Variants in RIMS1 observed in about 807,000 individuals in gnomAD.
RIMS1 encodes regulating synaptic membrane exocytosis 1, also known as regulating synaptic membrane exocytosis protein 1.
RIMS1 carries 83 observed loss-of-function variants against 214.1 expected under a neutral mutation model. The ratio of observed to expected loss-of-function variants is 0.39; its 90% CI spans 0.32 to 0.47. RIMS1 has a LOEUF of 0.47. Ranked by LOEUF, RIMS1 falls within the 20% of genes least tolerant of loss-of-function variation. RIMS1 has a pLI of 0.99. For missense variants in RIMS1, 2,050 were observed against 2,161.8 expected, an observed-to-expected ratio of 0.95 and a Z score of 1.03; for synonymous variants, 793 against 786.8, an observed-to-expected ratio of 1.01 and a Z score of -0.13.
At chr6:72,074,882 A>G (rs1427181613) in intron 2 of RIMS1, among the ~76,000 whole-genome samples, 1 of 152,164 alleles carries the variant, frequency 6.6e-6, no homozygotes, top group Non-Finnish European at 1.5e-5. Context: ...GTAGACATGA[A>G]GTCTATGGAT....
intron 10 of RIMS1, among the ~76,000 whole-genome samples, chr6:72,245,265 A>G (rs538848205): frequency 6.6e-6 from 1 of 151,868 alleles, no homozygotes; most frequent in Admixed American, 6.6e-5. Context: ...TATATTATAT[A>G]TTCACATATA....
chr6:72,153,126 A>C (rs1232705754), intron 4 of RIMS1, among the ~76,000 whole-genome samples: 1 of 146,790 alleles, frequency 6.8e-6, no homozygotes, highest in African/African-American at 2.5e-5. Flanking sequence ...ATATATGTAT[A>C]TATTCCCTAT....
intron 2 of RIMS1, among the ~76,000 whole-genome samples, chr6:72,090,308 G>A (rs1480656815): frequency 6.6e-6 from 1 of 152,146 alleles, no homozygotes; most frequent in African/African-American, 2.4e-5. Flanking sequence ...TGCCTGGCCT[G>A]ATGGTGGAAC....
chr6:71,909,182 A>G (rs1355826640), intron 1 of RIMS1, among the ~76,000 whole-genome samples: 1 of 152,064 alleles, frequency 6.6e-6, no homozygotes, highest in Non-Finnish European at 1.5e-5. Context: ...TTTTTAGTAG[A>G]GACGGGGTTT....
At chr6:71,978,673 A>T (rs1797749199) in intron 2 of RIMS1, among the ~76,000 whole-genome samples, 1 of 152,018 alleles carries the variant, frequency 6.6e-6, no homozygotes, top group South Asian at 2.1e-4. Flanking sequence ...TCTCTGTACT[A>T]TTTTTAGCCA....
chr6:72,317,136 T>G (rs2095849002), intron 28 of RIMS1: 1 of 379,642 alleles, frequency 2.6e-6, no homozygotes, highest in African/African-American at 2.1e-5. Flanking sequence ...GGCTGCTCTG[T>G]GGCACCAGTC....
intron 11 of RIMS1, among the ~76,000 whole-genome samples, chr6:72,247,461 C>T (rs915528295): frequency 1.4e-5 from 2 of 145,106 alleles, no homozygotes. Flanking sequence ...CTTGAACCTG[C>T]GAGGTGGAGG....
At chr6:72,187,108 A>C (rs887602896) in intron 6 of RIMS1, among the ~76,000 whole-genome samples, 1 of 152,166 alleles carries the variant, frequency 6.6e-6, no homozygotes, top group African/African-American at 2.4e-5. Context: ...CCTGGGCGAT[A>C]GAGCGAGACC....
chr6:71,980,890 A>T (rs892997529), intron 2 of RIMS1, among the ~76,000 whole-genome samples: 1 of 152,096 alleles, frequency 6.6e-6, no homozygotes, highest in African/African-American at 2.4e-5. Flanking sequence ...AGATTTTGGG[A>T]CTGGGAATTA....
intron 4 of RIMS1, among the ~76,000 whole-genome samples, chr6:72,129,786 G>T (rs1476723636): frequency 1.3e-5 from 2 of 151,936 alleles, no homozygotes; most frequent in South Asian, 2.1e-4. Context: ...TGGTAAAATG[G>T]TAACTGCATT....
intron 2 of RIMS1, among the ~76,000 whole-genome samples, chr6:71,992,227 CG>C (rs1562048978): frequency 6.6e-6 from 1 of 152,014 alleles, no homozygotes; most frequent in Non-Finnish European, 1.5e-5. Context: ...CAGTGGTACA[CG>C]GGGAGTTTGG....
At chr6:72,031,926 C>A (rs139857208) in intron 2 of RIMS1, among the ~76,000 whole-genome samples, 130 of 152,208 alleles carry the variant, frequency 8.5e-4, no homozygotes, top group Middle Eastern at 3.4e-3. Flanking sequence ...AATAAGCATA[C>A]ATAAAATAAT....
intron 4 of RIMS1, among the ~76,000 whole-genome samples, chr6:72,139,785 TA>T (rs2153878510): frequency 6.6e-6 from 1 of 152,296 alleles, no homozygotes; most frequent in East Asian, 1.9e-4. Context: ...TTAAGTTATT[TA>T]AAAATCACAG....
At chr6:71,901,056 A>C (rs1773455036) in intron 1 of RIMS1, among the ~76,000 whole-genome samples, 1 of 152,134 alleles carries the variant, frequency 6.6e-6, no homozygotes, top group Non-Finnish European at 1.5e-5. Flanking sequence ...TATTTTGAGG[A>C]GGCTAAGGCA....
At chr6:72,175,456 T>G in intron 4 of RIMS1, 1 of 323,184 alleles carries the variant, frequency 3.1e-6, no homozygotes, top group South Asian at 2.5e-5. Context: ...GTGGATCACC[T>G]GAGGTCAGGA....
intron 4 of RIMS1, among the ~76,000 whole-genome samples, chr6:72,166,879 G>C (rs2046343182): frequency 6.6e-6 from 1 of 151,872 alleles, no homozygotes; most frequent in Non-Finnish European, 1.5e-5. Flanking sequence ...CATAACTTCT[G>C]CAAACATGGA....
chr6:72,334,415 G>T (rs563553440), intron 29 of RIMS1, among the ~76,000 whole-genome samples: 6 of 151,886 alleles, frequency 4.0e-5, no homozygotes, highest in African/African-American at 1.4e-4. Context: ...ATTTTCTGCT[G>T]CTTATAAATT....
At chr6:71,914,046 C>T (rs1777655944) in intron 1 of RIMS1, among the ~76,000 whole-genome samples, 1 of 152,132 alleles carries the variant, frequency 6.6e-6, no homozygotes, top group Admixed American at 6.6e-5. Flanking sequence ...TTAGGAAAGG[C>T]AGAGTCCTAT....
intron 2 of RIMS1, among the ~76,000 whole-genome samples, chr6:71,995,451 C>CGTGTGTGTGTGTGTGT (rs59174738): frequency 2.1e-5 from 3 of 144,400 alleles, no homozygotes; most frequent in Non-Finnish European, 4.6e-5. Flanking sequence ...TGTAATATGA[C>CGTGTGTGTGTGTGTGT]GTGTGTGTGT....
Sources: gnomAD v4.1 joint callset for allele counts (sites outside exome capture counted in the v4.1 genomes callset) on GRCh38, gnomAD v4.1.1 for gene constraint, MANE v1.5 for transcripts, NCBI Gene and HGNC (gene_info 2026-07-23, HGNC 2026-07-21) for gene names.